Variants in PARD3 observed in about 807,000 individuals in gnomAD.
PARD3 encodes par-3 family cell polarity regulator.
A neutral mutation model predicts 155.4 loss-of-function variants in PARD3; 75 were observed. The observed-to-expected ratio is 0.48, with a 90% CI of 0.40 to 0.58. The LOEUF (loss-of-function observed/expected upper bound fraction) is 0.58. Among genes scored for constraint, PARD3 ranks in the 20% least tolerant of loss-of-function variants. PARD3 has a pLI of 0.00. For missense variants in PARD3, 1,642 were observed against 1,721.7 expected (o/e 0.95, Z 0.82); for synonymous variants, 576 against 610.5 (o/e 0.94, Z 0.83).
At chr10:34,433,846 G>A (rs1246197548) in intron 5 of PARD3, among the ~76,000 whole-genome samples, 2 of 152,096 alleles carry the variant, frequency 1.3e-5, no homozygotes, top group South Asian at 2.1e-4. Context: ...GCATGGTTAC[G>A]CTAGGCTGCA....
At chr10:34,554,218 C>A (rs1589989853) in intron 2 of PARD3, among the ~76,000 whole-genome samples, 1 of 152,304 alleles carries the variant, frequency 6.6e-6, no homozygotes, top group Middle Eastern at 3.4e-3. Flanking sequence ...CAGCACAATG[C>A]AAAATGTTAT....
rs551735321 is a variant in PARD3 at position 34,618,454 on chromosome 10, C to T, written c.222+77864G>A. Among the ~76,000 whole-genome samples the T allele has an allele frequency of 3.3e-5, 5 of 152,170 alleles. No homozygotes were observed. In the South Asian group the frequency reaches 8.3e-4, roughly 25 times the overall value. The stretch of plus-strand genomic sequence containing the variant: ...GTACTGTGAAGTCAGAATGTAAGAA[C>T]GCTTCCACAACAGTGGCAAAGTAAG... On this transcript the variant is annotated intron_variant, in intron 2 of 24. Transcript: ENST00000374788.
chr10:34,501,977 C>A (rs2080745146), intron 3 of PARD3, among the ~76,000 whole-genome samples: 1 of 152,072 alleles, frequency 6.6e-6, no homozygotes, highest in African/African-American at 2.4e-5. Context: ...TAAAATGACC[C>A]AATAGAGCTT....
chr10:34,448,821 A>G (rs1000625695), intron 5 of PARD3, among the ~76,000 whole-genome samples: 4 of 152,068 alleles, frequency 2.6e-5, no homozygotes, highest in Non-Finnish European at 5.9e-5. Context: ...ATTAAATTAA[A>G]TTAAATTTTA....
intron 1 of PARD3, among the ~76,000 whole-genome samples, chr10:34,721,247 C>A (rs188197982): frequency 1.4e-4 from 22 of 152,318 alleles, no homozygotes; most frequent in Admixed American, 1.4e-3. Context: ...AATTCCAGAA[C>A]TGAAGAGACT....
intron 12 of PARD3, among the ~76,000 whole-genome samples, chr10:34,367,617 T>C (rs1840100729): frequency 1.3e-5 from 2 of 152,098 alleles, no homozygotes; most frequent in African/African-American, 2.4e-5. Flanking sequence ...GGCAGGAGAA[T>C]TGCTTGAGCC....
At chr10:34,241,185 C>T (rs1345069111) in intron 22 of PARD3, among the ~76,000 whole-genome samples, 2 of 152,182 alleles carry the variant, frequency 1.3e-5, no homozygotes, top group Non-Finnish European at 2.9e-5. Flanking sequence ...GTGCTTTAGA[C>T]AGGACATCAG....
intron 23 of PARD3, among the ~76,000 whole-genome samples, chr10:34,129,700 C>CT (rs1209547388): frequency 0.045 from 3,702 of 82,972 alleles, 146 homozygotes; most frequent in Middle Eastern, 0.098. Flanking sequence ...TGTCAAGCCT[C>CT]TTTTTTTTTT....
chr10:34,348,872 A>G (rs145751830), intron 14 of PARD3, among the ~76,000 whole-genome samples: 201 of 152,382 alleles, frequency 1.3e-3, no homozygotes, highest in Non-Finnish European at 2.3e-3. Context: ...AATTTCGATG[A>G]CAATAAATTA....
intron 1 of PARD3, among the ~76,000 whole-genome samples, chr10:34,706,403 C>T (rs1335469395): frequency 1.3e-5 from 2 of 152,164 alleles, no homozygotes; most frequent in Admixed American, 1.3e-4. Context: ...TTCCACAGCC[C>T]CTCCTCCCAG....
intron 2 of PARD3, among the ~76,000 whole-genome samples, chr10:34,553,495 C>A (rs1455395810): frequency 6.6e-6 from 1 of 152,080 alleles, no homozygotes; most frequent in Non-Finnish European, 1.5e-5. Context: ...ATGGCAAATT[C>A]TCAGCAAAAC....
chr10:34,610,582 T>C (rs1402129229), intron 2 of PARD3, among the ~76,000 whole-genome samples: 2 of 152,092 alleles, frequency 1.3e-5, no homozygotes, highest in African/African-American at 2.4e-5. Context: ...GTGAGGAAAA[T>C]TCTCAGGAGC....
At chr10:34,764,175 A>G (rs1308281943) in intron 1 of PARD3, among the ~76,000 whole-genome samples, 1 of 152,222 alleles carries the variant, frequency 6.6e-6, no homozygotes, top group African/African-American at 2.4e-5. Flanking sequence ...AAGAAACCCA[A>G]TAGAAATTTC....
chr10:34,787,364 G>A (rs1370464843), intron 1 of PARD3, among the ~76,000 whole-genome samples: 1 of 152,208 alleles, frequency 6.6e-6, no homozygotes, highest in African/African-American at 2.4e-5. Flanking sequence ...GGGCAACAGA[G>A]TGAGACTCCA....
intron 22 of PARD3, among the ~76,000 whole-genome samples, chr10:34,190,046 A>G (rs34699529): frequency 0.027 from 4,173 of 152,302 alleles, 85 homozygotes; most frequent in Non-Finnish European, 0.041. Context: ...CAAGTGACCA[A>G]TGCATGGTAT....
intron 20 of PARD3, among the ~76,000 whole-genome samples, chr10:34,296,098 A>ATC (rs1268713313): frequency 1.6e-4 from 25 of 152,160 alleles, no homozygotes; most frequent in African/African-American, 5.6e-4. Flanking sequence ...CAGTATACTT[A>ATC]TCTCTCTCTG....
chr10:34,772,382 T>G (rs11599721), intron 1 of PARD3, among the ~76,000 whole-genome samples: 49,743 of 152,060 alleles, frequency 0.33, 10,160 homozygotes, highest in Non-Finnish European at 0.45. Context: ...CGAATAAAAG[T>G]TATTTTCTCA....
At chr10:34,503,312 T>C in intron 3 of PARD3, among the ~76,000 whole-genome samples, 1 of 152,214 alleles carries the variant, frequency 6.6e-6, no homozygotes. Flanking sequence ...AATGTGATGA[T>C]AGGTTGAGTA....
chr10:34,408,588 C>CTACTTGATTAACTGGCCGAAACTTGATT (rs1844734405), intron 5 of PARD3, among the ~76,000 whole-genome samples: 2 of 152,052 alleles, frequency 1.3e-5, no homozygotes, highest in Middle Eastern at 3.2e-3. Context: ...GTTAATGTCC[C>CTACTTGATTAACTGGCCGAAACTTGATT]AACTACTTGA....
Sources: allele counts gnomAD v4.1 joint callset (sites outside exome capture counted in the v4.1 genomes callset), GRCh38; gene constraint gnomAD v4.1.1; transcripts MANE v1.5; gene names NCBI Gene and HGNC (gene_info 2026-07-23, HGNC 2026-07-21).